FRMD5: variants seen among roughly 807,000 people sequenced by gnomAD.
The protein encoded by FRMD5 is FERM domain containing 5, also known as FERM domain-containing protein 5.
A neutral mutation model predicts 69.0 loss-of-function variants in FRMD5; 20 were observed. The observed-to-expected ratio is 0.29, with a 90% CI of 0.20 to 0.42. FRMD5 has a LOEUF of 0.42. Ranked by LOEUF, FRMD5 falls within the 10% of genes least tolerant of loss-of-function variation. The pLI is 1.00. For missense variants in FRMD5, 595 were observed against 708.6 expected (o/e 0.84, Z 1.82); for synonymous variants, 271 against 260.1 (o/e 1.04, Z -0.40).
chr15:44,156,945 G>C (rs2077538521), intron 1 of FRMD5, among the ~76,000 whole-genome samples: 1 of 152,054 alleles, frequency 6.6e-6, no homozygotes, highest in African/African-American at 2.4e-5. Flanking sequence ...GCCCCTTCTA[G>C]ATACATAAGA....
intron 1 of FRMD5, among the ~76,000 whole-genome samples, chr15:44,133,255 C>A (rs991253174): frequency 1.9e-4 from 28 of 150,934 alleles, no homozygotes; most frequent in Admixed American, 5.3e-4. Context: ...ATTAAAATGG[C>A]AAATTTTATA....
chr15:44,025,241 T>G (rs775349954), intron 1 of FRMD5, among the ~76,000 whole-genome samples: 1 of 152,036 alleles, frequency 6.6e-6, no homozygotes, highest in African/African-American at 2.4e-5. Context: ...AAACTCCCTA[T>G]GAAAAAAATA....
chr15:44,156,374 T>A (rs1051258666), intron 1 of FRMD5, among the ~76,000 whole-genome samples: 5 of 151,868 alleles, frequency 3.3e-5, no homozygotes, highest in African/African-American at 1.2e-4. Flanking sequence ...AAACTCCTGA[T>A]CTCAAGTGAT....
intron 1 of FRMD5, among the ~76,000 whole-genome samples, chr15:44,030,986 A>T (rs1003748647): frequency 6.9e-6 from 1 of 144,788 alleles, no homozygotes; most frequent in African/African-American, 2.5e-5. Context: ...AAAAAAAAAG[A>T]AGCCCTAAAG....
chr15:43,976,047 G>A (rs909359216), intron 1 of FRMD5, among the ~76,000 whole-genome samples: 2 of 150,376 alleles, frequency 1.3e-5, no homozygotes, highest in Admixed American at 6.6e-5. Context: ...CTGGAACAGC[G>A]GGATATCTAT....
intron 1 of FRMD5, among the ~76,000 whole-genome samples, chr15:44,147,900 A>G (rs1274049926): frequency 6.6e-6 from 1 of 152,214 alleles, no homozygotes; most frequent in Non-Finnish European, 1.5e-5. Flanking sequence ...CATAGCTTGC[A>G]GGAGCCAGGG....
At chr15:43,898,161 T>C (rs531253983) in intron 7 of FRMD5, among the ~76,000 whole-genome samples, 2 of 152,324 alleles carry the variant, frequency 1.3e-5, no homozygotes, top group South Asian at 4.1e-4. Context: ...TTGTGCTTAG[T>C]TCCTAAATTC....
At chr15:44,040,700 A>G (rs1892148113) in intron 1 of FRMD5, among the ~76,000 whole-genome samples, 1 of 152,194 alleles carries the variant, frequency 6.6e-6, no homozygotes, top group African/African-American at 2.4e-5. Context: ...AGTACCAGCC[A>G]CTGCAAAAAC....
At chr15:44,161,159 C>T (rs1211789873) in intron 1 of FRMD5, among the ~76,000 whole-genome samples, 2 of 152,106 alleles carry the variant, frequency 1.3e-5, no homozygotes, top group Non-Finnish European at 2.9e-5. Flanking sequence ...ACAGAGATGC[C>T]TCCATCTGTG....
At chr15:44,191,642 T>C (rs879523757) in intron 1 of FRMD5, among the ~76,000 whole-genome samples, 2 of 151,326 alleles carry the variant, frequency 1.3e-5, no homozygotes, top group Admixed American at 1.3e-4. Context: ...GGCATGGTGG[T>C]GCACTTCTGT....
chr15:44,081,267 A>C (rs144028160), intron 1 of FRMD5, among the ~76,000 whole-genome samples: 180 of 152,212 alleles, frequency 1.2e-3, no homozygotes, highest in Non-Finnish European at 2.3e-3. Context: ...CCTACTGATT[A>C]GTTTTGAACA....
At chr15:43,922,195 G>A (rs2089505497) in intron 2 of FRMD5, among the ~76,000 whole-genome samples, 1 of 152,180 alleles carries the variant, frequency 6.6e-6, no homozygotes. Flanking sequence ...AAACCACACT[G>A]GCCCTGGAGT....
chr15:44,076,153 T>G (rs185245508), intron 1 of FRMD5, among the ~76,000 whole-genome samples: 4,379 of 152,104 alleles, frequency 0.029, 176 homozygotes, highest in African/African-American at 0.089. Context: ...GGAGAAATAG[T>G]AACACTTTTA....
intron 1 of FRMD5, among the ~76,000 whole-genome samples, chr15:44,149,806 A>C (rs2077414423): frequency 6.6e-6 from 1 of 152,188 alleles, no homozygotes; most frequent in Admixed American, 6.5e-5. Flanking sequence ...TCATTCTAGG[A>C]GGGCAGCACT....
chr15:44,061,990 C>T (rs1893106908), intron 1 of FRMD5, among the ~76,000 whole-genome samples: 1 of 152,140 alleles, frequency 6.6e-6, no homozygotes, highest in Non-Finnish European at 1.5e-5. Context: ...CACAAAGCTG[C>T]TAGGCTTCCA....
intron 1 of FRMD5, among the ~76,000 whole-genome samples, chr15:44,033,684 G>C (rs535035233): frequency 6.6e-6 from 1 of 152,252 alleles, no homozygotes; most frequent in East Asian, 1.9e-4. Context: ...AACGGGAAGA[G>C]AAAAGGCAGT....
At chr15:44,126,629 C>T (rs1366742802) in intron 1 of FRMD5, among the ~76,000 whole-genome samples, 1 of 152,206 alleles carries the variant, frequency 6.6e-6, no homozygotes, top group Non-Finnish European at 1.5e-5. Flanking sequence ...CTTATTGCCA[C>T]ACTCCAAGGA....
At chr15:44,108,503 G>A (rs1351783042) in intron 1 of FRMD5, among the ~76,000 whole-genome samples, 1 of 152,076 alleles carries the variant, frequency 6.6e-6, no homozygotes, top group Non-Finnish European at 1.5e-5. Context: ...AATTAGCCGA[G>A]CGTGGTGGGT....
At chr15:43,985,197 C>T (rs1198257706) in intron 1 of FRMD5, among the ~76,000 whole-genome samples, 13 of 141,236 alleles carry the variant, frequency 9.2e-5, no homozygotes, top group Admixed American at 3.2e-4. Flanking sequence ...AGAAGAATGG[C>T]GTGAACCTGG....
Sources: allele counts gnomAD v4.1 joint callset (sites outside exome capture counted in the v4.1 genomes callset), GRCh38; gene constraint gnomAD v4.1.1; transcripts MANE v1.5; gene names NCBI Gene and HGNC (gene_info 2026-07-23, HGNC 2026-07-21).